The following SORCS2 variants were observed in gnomAD, a reference collection of about 807,000 sequenced individuals.
SORCS2 encodes the protein VPS10 domain-containing receptor SorCS2.
Under a neutral mutation model 141.6 loss-of-function variants are expected in SORCS2, and 100 were observed. The observed-to-expected ratio is 0.71, with a 90% CI of 0.60 to 0.83. SORCS2 has a LOEUF of 0.83. SORCS2 is among the 40% of genes least tolerant of loss of function. The pLI is 0.00. For synonymous variants in SORCS2, 789 were observed against 676.9 expected, an observed-to-expected ratio of 1.17 and a Z score of -2.57; for missense variants, 1,646 against 1,560.2, an observed-to-expected ratio of 1.05 and a Z score of -0.93.
At chr4:7,206,062 C>CAAAAACA (rs1727713392) in intron 1 of SORCS2, among the ~76,000 whole-genome samples, 1 of 151,908 alleles carries the variant, frequency 6.6e-6, no homozygotes. Flanking sequence ...AAAACAAAAA[C>CAAAAACA]AAAAACAAAA....
At chr4:7,296,203 C>T (rs987794399) in intron 1 of SORCS2, among the ~76,000 whole-genome samples, 1 of 152,226 alleles carries the variant, frequency 6.6e-6, no homozygotes, top group Non-Finnish European at 1.5e-5. Context: ...CCCCCATCTT[C>T]CTGGACACCC....
intron 3 of SORCS2, among the ~76,000 whole-genome samples, chr4:7,534,295 G>A (rs1711921838): frequency 1.3e-5 from 2 of 151,984 alleles, no homozygotes; most frequent in Admixed American, 1.3e-4. Flanking sequence ...TGCCTGTGCT[G>A]GGGAGTCCCT....
chr4:7,661,365 A>T (rs1445105578), intron 5 of SORCS2, 135 bp from the exon 6 acceptor site: 3 of 825,668 alleles, frequency 3.6e-6, no homozygotes, highest in African/African-American at 3.4e-5. Flanking sequence ...TGGGGTGGTG[A>T]TGCCCTCCGG....
In SORCS2 at chr4:7,217,971, G is replaced by T. The variant is rs75847544; in HGVS notation, c.480+24845G>T. Among the ~76,000 whole-genome samples, 951 of 152,288 alleles carry T rather than the reference G, an allele frequency of 6.2e-3. 7 individuals carry two copies. The highest frequency in any genetic ancestry group is 0.022 in the African/African-American group (899 of 41,566). On this transcript the variant is annotated intron_variant, in intron 1 of 26. Coordinates refer to ENST00000507866, the MANE Select transcript of SORCS2 (RefSeq NM_020777.3). ...CCCAGGCTGCCTTTCCCACTGTGCA[G>T]CTGGGTGATGCTGGACAGGCCATTG...
At chr4:7,279,318 G>T (rs146436917) in intron 1 of SORCS2, among the ~76,000 whole-genome samples, 295 of 152,332 alleles carry the variant, frequency 1.9e-3, no homozygotes, top group Admixed American at 4.6e-3. Context: ...TTGCAGCGTT[G>T]CTAAAGGTGG....
chr4:7,661,105 A>G (rs115521556), intron 5 of SORCS2, among the ~76,000 whole-genome samples: 1,854 of 152,344 alleles, frequency 0.012, 35 homozygotes, highest in African/African-American at 0.042. Flanking sequence ...TCCTGTAGTC[A>G]TTTTAGATGA....
chr4:7,456,481 G>C (rs114138402), intron 2 of SORCS2, among the ~76,000 whole-genome samples: 28 of 151,642 alleles, frequency 1.8e-4, no homozygotes, highest in African/African-American at 5.8e-4. Context: ...AGGGTGAGAG[G>C]GGGGGGGCCT....
intron 2 of SORCS2, among the ~76,000 whole-genome samples, chr4:7,509,718 T>C (rs1732497931): frequency 6.6e-6 from 1 of 152,126 alleles, no homozygotes; most frequent in African/African-American, 2.4e-5. Context: ...GCTGCCAGGC[T>C]ATGCCCCATC....
chr4:7,217,708 G>A (rs1728447971), intron 1 of SORCS2, among the ~76,000 whole-genome samples: 1 of 152,162 alleles, frequency 6.6e-6, no homozygotes, highest in Non-Finnish European at 1.5e-5. Flanking sequence ...AGCTGTGTGT[G>A]GGGGTGTGTG....
intron 3 of SORCS2, among the ~76,000 whole-genome samples, chr4:7,575,602 T>C (rs1715697584): frequency 6.6e-6 from 1 of 152,236 alleles, no homozygotes; most frequent in Non-Finnish European, 1.5e-5. Flanking sequence ...CAAGTATCAG[T>C]TTTTAAAATT....
chr4:7,634,664 C>G (rs1307385053), intron 3 of SORCS2, among the ~76,000 whole-genome samples: 1 of 152,162 alleles, frequency 6.6e-6, no homozygotes, highest in Non-Finnish European at 1.5e-5. Context: ...GGGGGTAACT[C>G]CCACACCCCT....
At chr4:7,719,975 C>T (rs553642494) in intron 18 of SORCS2, among the ~76,000 whole-genome samples, 2 of 152,270 alleles carry the variant, frequency 1.3e-5, no homozygotes, top group South Asian at 2.1e-4. Context: ...CCACCCGCTA[C>T]GCTAGGGAAG....
chr4:7,478,990 A>C (rs1281102923), intron 2 of SORCS2, among the ~76,000 whole-genome samples: 1 of 152,112 alleles, frequency 6.6e-6, no homozygotes, highest in African/African-American at 2.4e-5. Context: ...ATGACTTCCG[A>C]GGGTTCCCCA....
intron 1 of SORCS2, among the ~76,000 whole-genome samples, chr4:7,392,850 A>G (rs1332618105): frequency 6.6e-6 from 1 of 151,024 alleles, no homozygotes; most frequent in Admixed American, 6.6e-5. Context: ...TCTGTGCCTC[A>G]GTTTCCTCAG....
At chr4:7,263,766 C>T (rs1400828552) in intron 1 of SORCS2, among the ~76,000 whole-genome samples, 2 of 152,204 alleles carry the variant, frequency 1.3e-5, no homozygotes, top group Non-Finnish European at 2.9e-5. Flanking sequence ...CCACTGTGGA[C>T]ACCCACCTCA....
At chr4:7,654,318 TC>T in intron 5 of SORCS2, 111 bp downstream of exon 5, 2 of 1,124,856 alleles carry the variant, frequency 1.8e-6, no homozygotes, top group Non-Finnish European at 2.6e-6. Flanking sequence ...CTCTGGACCC[TC>T]CCCATCCCGG....
chr4:7,222,614 A>T (rs1728778046), intron 1 of SORCS2, among the ~76,000 whole-genome samples: 1 of 152,096 alleles, frequency 6.6e-6, no homozygotes, highest in African/African-American at 2.4e-5. Context: ...CATGCGAATG[A>T]GATTCCAGTA....
At chr4:7,657,794 A>ATGAG (rs1025150892) in intron 5 of SORCS2, among the ~76,000 whole-genome samples, 1 of 143,968 alleles carries the variant, frequency 6.9e-6, no homozygotes, top group African/African-American at 2.6e-5. Context: ...GGGTGAGTGA[A>ATGAG]TGAGTGAGTG....
intron 1 of SORCS2, among the ~76,000 whole-genome samples, chr4:7,328,018 C>CA (rs1719391174): frequency 3.4e-5 from 3 of 88,698 alleles, no homozygotes; most frequent in Non-Finnish European, 6.7e-5. Context: ...TCGTGCTAGG[C>CA]TTTTTTTTTT....
Sources: gnomAD v4.1 joint callset for allele counts (sites outside exome capture counted in the v4.1 genomes callset) on GRCh38, gnomAD v4.1.1 for gene constraint, MANE v1.5 for transcripts, NCBI Gene and HGNC (gene_info 2026-07-23, HGNC 2026-07-21) for gene names.